ENTREP2: variants seen among roughly 807,000 people sequenced by gnomAD.
The protein encoded by ENTREP2 is endosomal transmembrane epsin interactor 2.
At chr15:29,667,588 G>A in the ENTREP2 span, among the ~76,000 whole-genome samples, 1 of 148,000 alleles carries the variant, frequency 6.8e-6, no homozygotes, top group East Asian at 2.0e-4. Context: ...CTGCCTCCAA[G>A]GTTCAAGCGA....
At chr15:29,385,918 C>T in the ENTREP2 span, among the ~76,000 whole-genome samples, 1 of 152,128 alleles carries the variant, frequency 6.6e-6, no homozygotes, top group African/African-American at 2.4e-5. Flanking sequence ...GAGAAGGGCA[C>T]ACCAACAGAC....
chr15:29,283,915 G>A, the ENTREP2 span, among the ~76,000 whole-genome samples: 2 of 151,952 alleles, frequency 1.3e-5, no homozygotes, highest in African/African-American at 2.4e-5. Context: ...TAAAAGAACG[G>A]TCCCCACTAA....
the ENTREP2 span, among the ~76,000 whole-genome samples, chr15:29,248,626 T>C: frequency 6.6e-6 from 1 of 152,164 alleles, no homozygotes; most frequent in Non-Finnish European, 1.5e-5. Context: ...TATAAGCTTA[T>C]GTATATGCAA....
At chr15:29,131,490 C>T in the ENTREP2 span, among the ~76,000 whole-genome samples, 1 of 149,866 alleles carries the variant, frequency 6.7e-6, no homozygotes, top group African/African-American at 2.5e-5. Context: ...AATATCTGCC[C>T]AAATGATTTC....
chr15:29,563,689 G>A, the ENTREP2 span, among the ~76,000 whole-genome samples: 1 of 152,042 alleles, frequency 6.6e-6, no homozygotes, highest in African/African-American at 2.4e-5. Context: ...AAATTAGCTG[G>A]GTGTGGTGGA....
the ENTREP2 span, among the ~76,000 whole-genome samples, chr15:29,386,852 TC>T: frequency 6.6e-6 from 1 of 152,260 alleles, no homozygotes; most frequent in Non-Finnish European, 1.5e-5. Flanking sequence ...TGATTTTGTA[TC>T]CTGAGACTTT....
chr15:29,140,135 C>T, the ENTREP2 span, among the ~76,000 whole-genome samples: 3 of 152,204 alleles, frequency 2.0e-5, no homozygotes, highest in African/African-American at 4.8e-5. Context: ...AGCTCAGCAC[C>T]CTCTTCTGTT....
At chr15:29,602,294 T>A in the ENTREP2 span, among the ~76,000 whole-genome samples, 2 of 152,176 alleles carry the variant, frequency 1.3e-5, no homozygotes, top group Admixed American at 1.3e-4. Flanking sequence ...CTGAATTTTA[T>A]TTTCTTCACC....
the ENTREP2 span, among the ~76,000 whole-genome samples, chr15:29,513,165 C>G: frequency 6.6e-6 from 1 of 152,138 alleles, no homozygotes; most frequent in African/African-American, 2.4e-5. Flanking sequence ...TACATATGCT[C>G]TCCCTGAGCT....
chr15:29,460,828 C>T, the ENTREP2 span, among the ~76,000 whole-genome samples: 2 of 151,972 alleles, frequency 1.3e-5, no homozygotes, highest in Non-Finnish European at 2.9e-5. Flanking sequence ...ACATCCAAGC[C>T]ACTATCACGT....
At chr15:29,526,956 G>A in the ENTREP2 span, among the ~76,000 whole-genome samples, 2 of 151,972 alleles carry the variant, frequency 1.3e-5, no homozygotes, top group Admixed American at 6.6e-5. Context: ...TGTGGAATCC[G>A]GGGGGCACGT....
At chr15:29,576,808 GT>G in the ENTREP2 span, among the ~76,000 whole-genome samples, 1 of 151,988 alleles carries the variant, frequency 6.6e-6, no homozygotes, top group African/African-American at 2.4e-5. Context: ...TTATTAACTT[GT>G]TTTTGTTTTT....
At chr15:29,606,205 T>C in the ENTREP2 span, among the ~76,000 whole-genome samples, 2 of 151,836 alleles carry the variant, frequency 1.3e-5, no homozygotes, top group Admixed American at 6.6e-5. Flanking sequence ...CTAGTCGAAT[T>C]TCCCATGTCT....
the ENTREP2 span, among the ~76,000 whole-genome samples, chr15:29,657,418 C>A: frequency 7.4e-6 from 1 of 135,058 alleles, no homozygotes; most frequent in African/African-American, 2.8e-5. Flanking sequence ...TATAAAGAAG[C>A]AAAGGACAAA....
chr15:29,328,056 T>A, the ENTREP2 span, among the ~76,000 whole-genome samples: 1 of 152,204 alleles, frequency 6.6e-6, no homozygotes, highest in African/African-American at 2.4e-5. Flanking sequence ...GGTGAATGGA[T>A]AAACAAACTG....
At chr15:29,134,334 C>T in the ENTREP2 span, among the ~76,000 whole-genome samples, 1 of 152,220 alleles carries the variant, frequency 6.6e-6, no homozygotes, top group Admixed American at 6.5e-5. Context: ...GCAGCTCCCA[C>T]ACATCTGCTT....
the ENTREP2 span, among the ~76,000 whole-genome samples, chr15:29,207,851 G>A: frequency 6.6e-6 from 1 of 152,138 alleles, no homozygotes; most frequent in African/African-American, 2.4e-5. Flanking sequence ...ATCACTGGAG[G>A]GTTTCCCTGT....
the ENTREP2 span, among the ~76,000 whole-genome samples, chr15:29,219,594 C>T: frequency 8.8e-6 from 1 of 114,258 alleles, no homozygotes; most frequent in African/African-American, 3.3e-5. Context: ...AATGAGTGTA[C>T]AAAGGAACTG....
chr15:29,200,737 T>G, the ENTREP2 span, among the ~76,000 whole-genome samples: 4 of 151,964 alleles, frequency 2.6e-5, no homozygotes, highest in Non-Finnish European at 5.9e-5. Flanking sequence ...TTTTTTTGTA[T>G]TTTTAGTAGA....
Sources: allele counts gnomAD v4.1 joint callset (sites outside exome capture counted in the v4.1 genomes callset), GRCh38; gene constraint gnomAD v4.1.1; transcripts MANE v1.5; gene names NCBI Gene and HGNC (gene_info 2026-07-23, HGNC 2026-07-21).